The following FBXO38 variants were observed in gnomAD, a reference collection of about 807,000 sequenced individuals.
The protein encoded by FBXO38 is F-box only protein 38.
In FBXO38, 53 loss-of-function variants were observed where a neutral mutation model predicts 131.9. That is an observed-to-expected ratio of 0.40 (90% CI 0.32 to 0.51). The LOEUF is 0.51. Among genes scored for constraint, FBXO38 ranks in the 20% least tolerant of loss-of-function variants. The pLI is 0.53. For missense variants in FBXO38, 1,076 were observed against 1,475.6 expected, an observed-to-expected ratio of 0.73 and a Z score of 4.44; for synonymous variants, 452 against 505.6, an observed-to-expected ratio of 0.89 and a Z score of 1.42.
At chr5:148,423,154 A>G (rs1753536106) in intron 12 of FBXO38, among the ~76,000 whole-genome samples, 2 of 152,158 alleles carry the variant, frequency 1.3e-5, no homozygotes, top group Admixed American at 1.3e-4. Context: ...TAGCAAGTAT[A>G]TTCTGACCTT....
At chr5:148,437,571 T>C (rs1754419447) in intron 17 of FBXO38, among the ~76,000 whole-genome samples, 1 of 152,184 alleles carries the variant, frequency 6.6e-6, no homozygotes, top group South Asian at 2.1e-4. Context: ...ATCTTTTCCA[T>C]TTGATCTCTC....
chr5:148,416,909 T>C, intron 11 of FBXO38, 85 bp from the exon 12 acceptor site: 1 of 767,952 alleles, frequency 1.3e-6, no homozygotes, highest in African/African-American at 1.7e-5. Context: ...AGTTATAATG[T>C]AAAGGTGAAA....
rs755714527 is a variant in FBXO38 at position 148,409,197 on chromosome 5, C to T, written c.942C>T (p.Leu314=). ...KNALEVDLGY[L]IITAARRLHE... is the part of the protein sequence containing the mutation. ...CTCTTGAAGTAGATCTTGGTTACCT[C>T]ATCATTACTGCTGCCCGTAGGTATG... The change falls in exon 8 of 22, where the codon CTC becomes CTT. Residue 314 remains leucine, a synonymous_variant. Coordinates refer to ENST00000340253, the MANE Select transcript of FBXO38 (RefSeq NM_205836.3). 11 of 1,605,246 alleles carry T rather than the reference C, an allele frequency of 6.9e-6. No individual in the cohort carries two copies. Among genetic ancestry groups the T allele is most frequent in the South Asian group, 1.1e-5 (1 of 90,894 alleles).
intron 7 of FBXO38, among the ~76,000 whole-genome samples, chr5:148,407,248 A>G (rs1034699493): frequency 6.6e-6 from 1 of 152,196 alleles, no homozygotes; most frequent in East Asian, 1.9e-4. Context: ...TCAAAAACGA[A>G]AAGAAGGCTA....
Position 148,385,305 on chromosome 5 carries a change from G to T in FBXO38, c.-64+1266G>T, listed in dbSNP as rs79387527. On this transcript the variant is annotated intron_variant, in intron 1 of 21. Transcript: ENST00000340253. The stretch of plus-strand genomic sequence containing the variant: ...TGTTTAAATGGCTGTGTGCCCAGAG[G>T]TACACACTTTATATTTAGTCAAACA... 3.9e-3 allele frequency among the ~76,000 whole-genome samples: 599 copies of T among 152,192 alleles called. 31 individuals carry two copies. In the East Asian group the frequency reaches 0.1, roughly 25 times the overall value.
intron 17 of FBXO38, among the ~76,000 whole-genome samples, chr5:148,435,339 G>C (rs554789281): frequency 6.6e-6 from 1 of 152,150 alleles, no homozygotes; most frequent in African/African-American, 2.4e-5. Context: ...CACTGGAATA[G>C]CACTTTTAAT....
chr5:148,422,047 CTTT>C (rs35962676), intron 12 of FBXO38, among the ~76,000 whole-genome samples: 3 of 145,244 alleles, frequency 2.1e-5, no homozygotes, highest in Non-Finnish European at 4.5e-5. Flanking sequence ...AGACCTTTCT[CTTT>C]TTTTTTTTTT....
chr5:148,422,771 T>C (rs1051174513), intron 12 of FBXO38, among the ~76,000 whole-genome samples: 3 of 152,252 alleles, frequency 2.0e-5, no homozygotes, highest in African/African-American at 7.2e-5. Flanking sequence ...ATCACATTGA[T>C]GTTTGAATGT....
intron 1 of FBXO38, among the ~76,000 whole-genome samples, chr5:148,384,309 T>C (rs911303458): frequency 7.9e-5 from 12 of 152,310 alleles, no homozygotes; most frequent in Admixed American, 5.9e-4. Context: ...GGCCCCAGTT[T>C]CCTCAATGAA....
At chr5:148,440,572 A>G (rs1343671251) in intron 20 of FBXO38, 45 bp downstream of exon 20, 9 of 1,192,958 alleles carry the variant, frequency 7.5e-6, no homozygotes, top group Non-Finnish European at 1.2e-6. Flanking sequence ...CCTGTGCAGT[A>G]CTTACCTCTG....
intron 3 of FBXO38, among the ~76,000 whole-genome samples, chr5:148,401,449 CAT>C (rs1455452378): frequency 3.6e-4 from 55 of 152,254 alleles, no homozygotes; most frequent in African/African-American, 1.3e-3. Context: ...AATAGTTAAA[CAT>C]ATGACAGAGT....
chr5:148,430,010 AT>A (rs1311945108), intron 15 of FBXO38: 1 of 151,804 alleles, frequency 6.6e-6, no homozygotes, highest in Non-Finnish European at 1.5e-5. Flanking sequence ...TGTATTTTAG[AT>A]TTATAAAAAT....
chr5:148,435,638 C>T lies in FBXO38; in HGVS notation c.2857+1901C>T, dbSNP rs889070973. 2.6e-5 allele frequency among the ~76,000 whole-genome samples: 4 copies of T among 152,012 alleles called. No individual in the cohort carries two copies. The South Asian group carries it at 6.2e-4, about 24-fold the overall frequency. On this transcript the variant is annotated intron_variant, in intron 17 of 21. Coordinates refer to ENST00000340253, the MANE Select transcript of FBXO38 (RefSeq NM_205836.3). Reference sequence around the variant, plus strand: ...ACAAAAAATTAGCCGGGCATGGTGGCGGGTGCCTGTAGTCCCAGCTACTAG... The same window carrying T: ...ACAAAAAATTAGCCGGGCATGGTGGTGGGTGCCTGTAGTCCCAGCTACTAG...
intron 1 of FBXO38, among the ~76,000 whole-genome samples, chr5:148,392,135 C>G (rs1758227437): frequency 6.6e-6 from 1 of 152,062 alleles, no homozygotes; most frequent in Non-Finnish European, 1.5e-5. Flanking sequence ...ATAGTGTCTG[C>G]TAAGCTTTTC....
intron 3 of FBXO38, among the ~76,000 whole-genome samples, chr5:148,400,764 A>T (rs1469663246): frequency 6.6e-6 from 1 of 152,158 alleles, no homozygotes; most frequent in Non-Finnish European, 1.5e-5. Flanking sequence ...AAGAGGATAA[A>T]CATTGCAGGG....
At chr5:148,418,410 T>C (rs1355753011) in intron 12 of FBXO38, among the ~76,000 whole-genome samples, 1 of 152,226 alleles carries the variant, frequency 6.6e-6, no homozygotes, top group African/African-American at 2.4e-5. Flanking sequence ...GTTTCCAGCC[T>C]TAACTTGTAT....
Position 148,394,821 on chromosome 5 carries a change from T to C in FBXO38, c.45T>C (p.Asn15=), listed in dbSNP as rs1470905234. 8 of 1,603,500 alleles carry C rather than the reference T, an allele frequency of 5.0e-6. No individual in the cohort carries two copies. Among genetic ancestry groups the C allele is most frequent in the Non-Finnish European group, 6.0e-6 (7 of 1,175,286 alleles). Residue 15 remains asparagine, a synonymous_variant, in exon 2 of 22, where the codon AAT becomes AAC. Transcript: ENST00000340253. ...KKSVKTCIMN[N]EIPEEMTADE... ...GTGTGAAAACATGTATCATGAATAA[T>C]GAAATTCCAGAAGAAATGACAGCAG... is the stretch of plus-strand genomic sequence containing the variant.
intron 5 of FBXO38, among the ~76,000 whole-genome samples, chr5:148,403,860 G>A (rs1752297398): frequency 6.6e-6 from 1 of 152,144 alleles, no homozygotes; most frequent in South Asian, 2.1e-4. Flanking sequence ...ACTACTGTTT[G>A]TTAAATGCCA....
intron 11 of FBXO38, 139 bp from the exon 12 acceptor site, chr5:148,416,855 T>C: frequency 1.6e-6 from 1 of 621,492 alleles, no homozygotes; most frequent in South Asian, 2.0e-5. Flanking sequence ...GGATTTTCTA[T>C]GTGTATGTGA....
Sources: gnomAD v4.1 joint callset for allele counts (sites outside exome capture counted in the v4.1 genomes callset) on GRCh38, gnomAD v4.1.1 for gene constraint, MANE v1.5 for transcripts, NCBI Gene and HGNC (gene_info 2026-07-23, HGNC 2026-07-21) for gene names.